The following TET3 variants were observed in gnomAD, a reference collection of about 807,000 sequenced individuals.
TET3 encodes the protein tet methylcytosine dioxygenase 3, also known as methylcytosine dioxygenase TET3.
Under a neutral mutation model 141.4 loss-of-function variants are expected in TET3, and 19 were observed. The observed-to-expected ratio is 0.13, with a 90% CI of 0.09 to 0.20. TET3 has a LOEUF of 0.20. Ranked by LOEUF, TET3 falls within the 10% of genes least tolerant of loss-of-function variation. The pLI, the probability that TET3 is intolerant of heterozygous loss-of-function variation, is 1.00. For synonymous variants in TET3, 1,043 were observed against 980.9 expected, an observed-to-expected ratio of 1.06 and a Z score of -1.18; for missense variants, 1,874 against 2,356.9, an observed-to-expected ratio of 0.80 and a Z score of 4.24.
the TET3 span, among the ~76,000 whole-genome samples, chr2:74,118,136 A>G: frequency 4.6e-5 from 7 of 152,280 alleles, no homozygotes; most frequent in African/African-American, 1.2e-4. Flanking sequence ...AGCAGATACT[A>G]TCACCAGTAA....
At position 73,986,044 on chromosome 2, in the gene TET3, G is replaced by C. The variant is rs1286393012; in HGVS notation, c.-360G>C. The C allele has an allele frequency of 5.1e-6, 1 of 194,860 alleles. No individual in the cohort carries two copies. Among genetic ancestry groups the C allele is most frequent in the Non-Finnish European group, 1.0e-5 (1 of 97,008 alleles). 12.1% of individuals were successfully genotyped at this position (194,860 alleles called of 1,614,324 possible). ...AATACCAGGAGAAACTGCTCACTCAGCTCTGCCCCCACCACACCCCTACCT... is the reference window on the plus strand; with the variant it reads ...AATACCAGGAGAAACTGCTCACTCACCTCTGCCCCCACCACACCCCTACCT... On this transcript the variant is annotated 5_prime_UTR_variant, in exon 2 of 12. Coordinates refer to ENST00000409262, the MANE Select transcript of TET3 (RefSeq NM_001287491.2).
intron 3 of TET3, among the ~76,000 whole-genome samples, chr2:74,004,535 G>A (rs1425670110): frequency 6.6e-6 from 1 of 152,190 alleles, no homozygotes; most frequent in Non-Finnish European, 1.5e-5. Context: ...AAGTGCTTGG[G>A]GAAGGGTGTG....
rs1438048332 is a variant in TET3 at position 74,062,676 on chromosome 2, G to A, written c.2495-10873G>A. Among the ~76,000 whole-genome samples the A allele has an allele frequency of 4.6e-5, 7 of 152,096 alleles. No individual in the cohort carries two copies. The East Asian group carries it at 1.3e-3, about 29-fold the overall frequency. On this transcript the variant is annotated intron_variant, in intron 4 of 11. Transcript: ENST00000409262. ...AGAAAATACAAAATCTGCAGCAAAC[G>A]AGGAAGACAAGGAAGCACTAAACAT... is the stretch of plus-strand genomic sequence containing the variant.
intron 5 of TET3, among the ~76,000 whole-genome samples, chr2:74,077,977 C>T (rs960400210): frequency 2.0e-5 from 3 of 152,214 alleles, no homozygotes; most frequent in Non-Finnish European, 4.4e-5. Context: ...TTTTCCTCTT[C>T]ATCCAGACCA....
intron 4 of TET3, among the ~76,000 whole-genome samples, chr2:74,057,932 A>G (rs1201271952): frequency 1.3e-5 from 2 of 152,274 alleles, no homozygotes; most frequent in Non-Finnish European, 2.9e-5. Context: ...AGTTGCAAAC[A>G]AATACTTAAG....
chr2:74,129,198 C>T, the TET3 span, among the ~76,000 whole-genome samples: 1 of 150,800 alleles, frequency 6.6e-6, no homozygotes, highest in South Asian at 2.1e-4. Context: ...TACCTGTAAT[C>T]CCAGCTACTC....
Position 74,105,797 on chromosome 2 carries a change from TGA to T in TET3, c.*3626_*3627del, listed in dbSNP as rs1204144735. The T allele has an allele frequency of 1.9e-5, 3 of 161,546 alleles. No individual in the cohort carries two copies. The highest frequency in any genetic ancestry group is 7.2e-5 in the African/African-American group (3 of 41,778). 10.0% of individuals were successfully genotyped at this position (161,546 alleles called of 1,614,324 possible). A position where few individuals can be genotyped will look rare whatever the true frequency, so the allele number is the denominator to read the frequency against. On this transcript the variant is annotated 3_prime_UTR_variant, in exon 12 of 12. Transcript: ENST00000409262. Reference sequence around the variant, plus strand: ...TGAGTCGATGATAACCTAATTTCATTGAGAGAAACCCAGCCAGACTTGCTTCT... The same window carrying T: ...TGAGTCGATGATAACCTAATTTCATTGAGAAACCCAGCCAGACTTGCTTCT...
intron 4 of TET3, among the ~76,000 whole-genome samples, chr2:74,061,735 C>T (rs1175747105): frequency 6.8e-6 from 1 of 146,056 alleles, no homozygotes; most frequent in East Asian, 2.0e-4. Flanking sequence ...CTCCTCACTT[C>T]TCAGACGGGG....
intron 2 of TET3, chr2:74,002,628 C>A (rs1184569790): frequency 5.5e-6 from 2 of 360,390 alleles, no homozygotes; most frequent in Non-Finnish European, 9.9e-6. Context: ...CAGGGCCGGC[C>A]GCGGGGATTG....
At chr2:74,130,336 C>T in the TET3 span, among the ~76,000 whole-genome samples, 1 of 152,218 alleles carries the variant, frequency 6.6e-6, no homozygotes, top group Non-Finnish European at 1.5e-5. Context: ...ATGAGGTCAG[C>T]TTCCTGGAAT....
chr2:74,090,023 C>T lies in TET3; in HGVS notation c.3015C>T (p.Arg1005=), dbSNP rs1212203753. The T allele has an allele frequency of 6.2e-7, 1 of 1,613,918 alleles. No individual in the cohort carries two copies. Among genetic ancestry groups the T allele is most frequent in the African/African-American group, 1.3e-5 (1 of 74,934 alleles). Residue 1005 remains arginine, a synonymous_variant, in exon 8 of 12, where the codon CGC becomes CGT. Coordinates refer to ENST00000409262, the MANE Select transcript of TET3 (RefSeq NM_001287491.2). ...YARSKTPRKF[R]LAGDNPKEEE... ...GGAGCAAGACACCTCGCAAGTTCCG[C>T]CTCGCAGGGGACAATCCCAAAGAGG...
the TET3 span, among the ~76,000 whole-genome samples, chr2:74,128,885 G>C: frequency 1.3e-5 from 2 of 151,144 alleles, no homozygotes; most frequent in African/African-American, 4.9e-5. Flanking sequence ...CCAGCTACTT[G>C]GGAGGCTGAG....
chr2:74,112,502 TAAAC>T (rs10604716), downstream of TET3, among the ~76,000 whole-genome samples: 34,434 of 151,952 alleles, frequency 0.23, 4,426 homozygotes, highest in East Asian at 0.37. Flanking sequence ...AGGAAGTAAA[TAAAC>T]AGGAAACCAA....
At chr2:74,091,310 C>A (rs1690479847) in intron 8 of TET3, among the ~76,000 whole-genome samples, 1 of 152,210 alleles carries the variant, frequency 6.6e-6, no homozygotes, top group African/African-American at 2.4e-5. Context: ...CAAATTCTTT[C>A]CCTGTTCTAC....
In TET3 at chr2:74,047,513, C is replaced by T. The variant is rs1195339175; in HGVS notation, c.1596C>T (p.Leu532=). 3.7e-6 allele frequency: 6 copies of T among 1,613,136 alleles called. No homozygotes were observed. The highest frequency in any genetic ancestry group is 5.1e-6 in the Non-Finnish European group (6 of 1,179,880). The change falls in exon 4 of 12, where the codon CTC becomes CTT. Residue 532 remains leucine, a synonymous_variant. Transcript: ENST00000409262. The stretch of plus-strand genomic sequence containing the variant: ...CCCAGACCGCCCTGCAGCAGCACCT[C>T]CACCACAAGCGCAGCCTCTTCCTAG... ...QKAQTALQQH[L]HHKRSLFLEQ...
At chr2:74,080,262 G>C (rs1406358085) in intron 5 of TET3, among the ~76,000 whole-genome samples, 1 of 152,200 alleles carries the variant, frequency 6.6e-6, no homozygotes, top group African/African-American at 2.4e-5. Flanking sequence ...GGATCAGAGG[G>C]GGCCCGATGG....
chr2:74,067,001 T>C (rs1166432026), intron 4 of TET3, among the ~76,000 whole-genome samples: 5 of 152,138 alleles, frequency 3.3e-5, no homozygotes, highest in African/African-American at 7.2e-5. Context: ...CATATTCTTA[T>C]GTTCTATTTT....
Position 74,093,463 on chromosome 2 carries a change from C to A in TET3, c.3130-66C>A. The A allele has an allele frequency of 6.7e-7, 1 of 1,494,064 alleles. No individual in the cohort carries two copies. The highest frequency in any genetic ancestry group is 9.0e-7 in the Non-Finnish European group (1 of 1,114,232). The allele number at this position is 1,494,064 out of a possible 1,614,324, so 92.6% of individuals were successfully genotyped here. A position where few individuals can be genotyped will look rare whatever the true frequency, so the allele number is the denominator to read the frequency against. ...TCCCTCCTTCCAAGACCTGGCCTCC[C>A]CAGGTGCAGAATCGGGGCCACTCAC... On this transcript the variant is annotated intron_variant, in intron 9 of 11. Transcript: ENST00000409262. The surrounding 1 kb of genome is among the most constrained non-coding windows in gnomAD (Gnocchi z 4.2).
intron 6 of TET3, among the ~76,000 whole-genome samples, chr2:74,085,693 G>C (rs1209068720): frequency 6.6e-6 from 1 of 151,064 alleles, no homozygotes; most frequent in South Asian, 2.1e-4. Flanking sequence ...AGCTCAGGCG[G>C]TAACGCCCGC....
Sources: allele counts gnomAD v4.1 joint callset (sites outside exome capture counted in the v4.1 genomes callset), GRCh38; gene constraint gnomAD v4.1.1; non-coding constraint Gnocchi (gnomAD v3.1); transcripts MANE v1.5; gene names NCBI Gene and HGNC (gene_info 2026-07-23, HGNC 2026-07-21).